Variants in PCDHA5 observed in about 807,000 individuals in gnomAD.
PCDHA5 encodes the protein protocadherin alpha-5.
PCDHA5 carries 43 observed loss-of-function variants against 61.6 expected under a neutral mutation model. That is an observed-to-expected ratio of 0.70 (90% CI 0.55 to 0.90). PCDHA5 has a LOEUF of 0.90. Ranked by LOEUF, PCDHA5 falls within the 40% of genes least tolerant of loss-of-function variation. The probability of loss-of-function intolerance (pLI) is 0.00; values close to 1 mark genes in which losing one functional copy is unlikely to be tolerated. For missense variants in PCDHA5, 1,298 were observed against 1,222.7 expected, an observed-to-expected ratio of 1.06 and a Z score of -0.92; for synonymous variants, 627 against 543.9, an observed-to-expected ratio of 1.15 and a Z score of -2.13.
At chr5:140,903,401 T>A (rs577425497) in intron 1 of PCDHA5, among the ~76,000 whole-genome samples, 2 of 152,336 alleles carry the variant, frequency 1.3e-5, no homozygotes, top group East Asian at 3.9e-4. Flanking sequence ...GAAACAGTAG[T>A]GCAGTCAGGA....
At chr5:140,969,610 GA>G in intron 1 of PCDHA5, 1 of 723,542 alleles carries the variant, frequency 1.4e-6, no homozygotes, top group East Asian at 2.8e-5. Context: ...CTAAAACACA[GA>G]TTTGTAGAGA....
chr5:140,966,351 T>C (rs2095993357), intron 1 of PCDHA5: 1 of 397,668 alleles, frequency 2.5e-6, no homozygotes, highest in South Asian at 1.4e-4. Flanking sequence ...GTGAAGGAGA[T>C]GGGGCTGGAG....
At chr5:140,856,833 G>A (rs1554149194) in intron 1 of PCDHA5, 3 of 1,591,548 alleles carry the variant, frequency 1.9e-6, no homozygotes, top group African/African-American at 2.7e-5. Flanking sequence ...TTAGTAATAC[G>A]GCTCAACGCT....
intron 1 of PCDHA5, among the ~76,000 whole-genome samples, chr5:140,942,607 A>G (rs529680459): frequency 1.7e-5 from 2 of 116,438 alleles, no homozygotes; most frequent in East Asian, 2.5e-4. Context: ...TAGTGTTTAT[A>G]TTTGCCAATT....
chr5:140,853,692 C>G, intron 1 of PCDHA5: 1 of 987,924 alleles, frequency 1.0e-6, no homozygotes, highest in Non-Finnish European at 1.2e-6. Context: ...ATCCTTAGAC[C>G]TGCTAACGCA....
intron 1 of PCDHA5, among the ~76,000 whole-genome samples, chr5:140,961,560 AT>A (rs1223583703): frequency 1.4e-4 from 22 of 152,140 alleles, no homozygotes; most frequent in African/African-American, 4.6e-4. Flanking sequence ...CTTTTTTTAA[AT>A]TTTGTTTTGA....
intron 1 of PCDHA5, chr5:140,835,634 T>C (rs2150240136): frequency 3.1e-6 from 5 of 1,613,808 alleles, no homozygotes; most frequent in East Asian, 2.2e-5. Context: ...ACCGCGAGAG[T>C]GTGTCCGCCT....
chr5:140,857,186 G>A lies in PCDHA5; in HGVS notation c.2352+33059G>A, dbSNP rs782390373. On this transcript the variant is annotated intron_variant, in intron 1 of 3. Coordinates refer to ENST00000529859, the MANE Select transcript of PCDHA5 (RefSeq NM_018908.3). ...CAGCGTTTCTGACCATGATTCAGGA[G>A]CCAACGGACAGGTCACCTGCTCTCT... 5.0e-6 allele frequency: 8 copies of A among 1,598,548 alleles called. No individual in the cohort carries two copies. In the East Asian group the frequency reaches 1.8e-4, roughly 36 times the overall value.
At chr5:140,851,542 C>T in intron 1 of PCDHA5, 1 of 907,540 alleles carries the variant, frequency 1.1e-6, no homozygotes, top group Non-Finnish European at 1.3e-6. Context: ...GTAGATAATT[C>T]AAGAAATGTT....
chr5:140,911,381 G>A (rs2075444647), intron 1 of PCDHA5, among the ~76,000 whole-genome samples: 1 of 152,116 alleles, frequency 6.6e-6, no homozygotes, highest in African/African-American at 2.4e-5. Context: ...GGCTGTGCAT[G>A]CACCTTTCAT....
At chr5:140,935,721 A>G (rs2090523952) in intron 1 of PCDHA5, among the ~76,000 whole-genome samples, 1 of 152,196 alleles carries the variant, frequency 6.6e-6, no homozygotes, top group African/African-American at 2.4e-5. Context: ...ATATATTTAG[A>G]GAAGTCTAGT....
intron 1 of PCDHA5, chr5:140,875,972 T>G: frequency 6.2e-7 from 1 of 1,614,068 alleles, no homozygotes; most frequent in Non-Finnish European, 8.5e-7. Context: ...GTAAACTCTC[T>G]TTTGACCTAT....
At chr5:140,898,466 T>C (rs1331469917) in intron 1 of PCDHA5, among the ~76,000 whole-genome samples, 1 of 152,202 alleles carries the variant, frequency 6.6e-6, no homozygotes, top group Admixed American at 6.5e-5. Context: ...CCATTGCTTG[T>C]TTTTCTCAGG....
chr5:140,936,134 C>A (rs782197390), intron 1 of PCDHA5, among the ~76,000 whole-genome samples: 1 of 152,176 alleles, frequency 6.6e-6, no homozygotes, highest in Non-Finnish European at 1.5e-5. Context: ...CTTAAGTGAT[C>A]TGCCCGCCTT....
At chr5:140,890,767 T>A (rs1342716029) in intron 1 of PCDHA5, among the ~76,000 whole-genome samples, 3 of 152,210 alleles carry the variant, frequency 2.0e-5, no homozygotes, top group African/African-American at 7.2e-5. Context: ...AAAAATATTT[T>A]AAAACCCCAT....
intron 1 of PCDHA5, chr5:140,829,952 C>T: frequency 3.1e-6 from 5 of 1,614,008 alleles, no homozygotes; most frequent in African/African-American, 1.3e-5. Flanking sequence ...CGCTCGCTTC[C>T]CGTTTCGCGT....
At chr5:140,877,851 A>G in intron 1 of PCDHA5, 1 of 1,546,284 alleles carries the variant, frequency 6.5e-7, no homozygotes, top group South Asian at 1.3e-5. Context: ...TAAGTTATTA[A>G]TATTATTTAG....
At chr5:140,829,361 G>C in intron 1 of PCDHA5, 1 of 1,614,230 alleles carries the variant, frequency 6.2e-7, no homozygotes, top group Middle Eastern at 1.7e-4. Flanking sequence ...CTATGAGTTG[G>C]TGGTAACCGC....
chr5:140,841,793 T>G (rs1777495976), intron 1 of PCDHA5: 1 of 1,613,848 alleles, frequency 6.2e-7, no homozygotes. Flanking sequence ...AGAGGGCGCG[T>G]CCGATGCAGA....
Sources: allele counts gnomAD v4.1 joint callset (sites outside exome capture counted in the v4.1 genomes callset), GRCh38; gene constraint gnomAD v4.1.1; transcripts MANE v1.5; gene names NCBI Gene and HGNC (gene_info 2026-07-23, HGNC 2026-07-21).